TBC1D14: variants seen among roughly 807,000 people sequenced by gnomAD.
TBC1D14 encodes the protein TBC1 domain family member 14, also known as TBC1 domain family, member 14.
TBC1D14 carries 26 observed loss-of-function variants against 79.0 expected under a neutral mutation model. That is an observed-to-expected ratio of 0.33 (90% confidence interval 0.24 to 0.46). TBC1D14 has a LOEUF of 0.46. TBC1D14 is among the 20% of genes least tolerant of loss of function. The pLI is 1.00. For missense variants in TBC1D14, 769 were observed against 887.6 expected, an observed-to-expected ratio of 0.87 and a Z score of 1.70; for synonymous variants, 394 against 349.9, an observed-to-expected ratio of 1.13 and a Z score of -1.40.
intron 3 of TBC1D14, among the ~76,000 whole-genome samples, chr4:6,969,094 C>T (rs1715986001): frequency 6.6e-6 from 1 of 152,204 alleles, no homozygotes; most frequent in Admixed American, 6.5e-5. Context: ...CCATTCTCTG[C>T]TGTAATCATC....
intron 2 of TBC1D14, among the ~76,000 whole-genome samples, chr4:6,963,764 T>G (rs12512922): frequency 1.3e-5 from 2 of 152,032 alleles, no homozygotes; most frequent in Admixed American, 6.5e-5. Flanking sequence ...GCCTATCATA[T>G]GAGCCTAAGC....
intron 9 of TBC1D14, among the ~76,000 whole-genome samples, chr4:7,009,086 G>C (rs1720498474): frequency 6.6e-6 from 1 of 152,198 alleles, no homozygotes; most frequent in Non-Finnish European, 1.5e-5. Flanking sequence ...TCTTTTGTAA[G>C]CCACCTGTGG....
chr4:6,956,225 C>T (rs540069739), intron 2 of TBC1D14, among the ~76,000 whole-genome samples: 34 of 152,280 alleles, frequency 2.2e-4, no homozygotes, highest in Admixed American at 7.2e-4. Flanking sequence ...CCTAGATCTG[C>T]GCCTGCGAAC....
In TBC1D14 at chr4:6,981,208, A is replaced by G. The variant is rs372218688; in HGVS notation, c.844-12976A>G. ...CCCAGCTAATTTTTGTATTTTTAGT[A>G]GAGACAGGGTTTTGCCATGTTGGCC... On this transcript the variant is annotated intron_variant, in intron 3 of 13. Transcript: ENST00000409757. 2.0e-5 allele frequency among the ~76,000 whole-genome samples: 3 copies of G among 152,020 alleles called. No individual in the cohort carries two copies. The East Asian group carries it at 5.8e-4, about 29-fold the overall frequency.
At chr4:6,916,998 A>G (rs145132576) in intron 1 of TBC1D14, among the ~76,000 whole-genome samples, 1 of 152,220 alleles carries the variant, frequency 6.6e-6, no homozygotes, top group East Asian at 1.9e-4. Context: ...TTTCCTGACC[A>G]TCATGTGTTG....
intron 9 of TBC1D14, among the ~76,000 whole-genome samples, chr4:7,009,287 C>T (rs143974716): frequency 3.3e-5 from 5 of 152,288 alleles, no homozygotes; most frequent in Non-Finnish European, 7.3e-5. Context: ...GGAAATAATT[C>T]CAACAATTGA....
intron 11 of TBC1D14, among the ~76,000 whole-genome samples, chr4:7,013,171 C>A (rs866227347): frequency 6.6e-6 from 1 of 152,188 alleles, no homozygotes; most frequent in African/African-American, 2.4e-5. Flanking sequence ...CTGGCAGCCC[C>A]GTTGAACTTA....
intron 11 of TBC1D14, among the ~76,000 whole-genome samples, chr4:7,014,112 C>T (rs1178891954): frequency 6.6e-6 from 1 of 152,154 alleles, no homozygotes; most frequent in Non-Finnish European, 1.5e-5. Flanking sequence ...TGTACAGGCT[C>T]CACCTTTGCA....
chr4:7,024,736 G>A (rs934254296), intron 12 of TBC1D14, among the ~76,000 whole-genome samples: 2 of 152,200 alleles, frequency 1.3e-5, no homozygotes, highest in Non-Finnish European at 2.9e-5. Flanking sequence ...CACAGTAGGG[G>A]CTCAGCACAT....
chr4:6,920,882 A>G (rs535376241), intron 1 of TBC1D14, among the ~76,000 whole-genome samples: 30 of 152,180 alleles, frequency 2.0e-4, no homozygotes, highest in Non-Finnish European at 2.9e-4. Flanking sequence ...GAGTTCAAGC[A>G]ATTCTCCTTC....
At chr4:6,991,458 ACAG>A (rs1718479152) in intron 3 of TBC1D14, among the ~76,000 whole-genome samples, 2 of 152,232 alleles carry the variant, frequency 1.3e-5, no homozygotes, top group Admixed American at 1.3e-4. Flanking sequence ...TGCTGGAGAA[ACAG>A]CAGCCCTTGT....
intron 11 of TBC1D14, among the ~76,000 whole-genome samples, chr4:7,013,799 A>G (rs1437937779): frequency 6.6e-6 from 1 of 150,676 alleles, no homozygotes; most frequent in Non-Finnish European, 1.5e-5. Context: ...GCTGGAGTGC[A>G]GTGGCGCAAT....
At chr4:6,959,136 C>G (rs867983424) in intron 2 of TBC1D14, among the ~76,000 whole-genome samples, 3 of 151,576 alleles carry the variant, frequency 2.0e-5, no homozygotes, top group Admixed American at 2.0e-4. Context: ...CCGCCCGCCT[C>G]GGCCTCCCAA....
Position 6,996,306 on chromosome 4 carries a change from T to C in TBC1D14, c.963-19T>C. ...ATGCGGTATTTATAATGGTGAAAAC[T>C]CATTTCTTTCCTGTCAAGAAATCTC... On this transcript the variant is annotated intron_variant, in intron 4 of 13. Transcript: ENST00000409757. 6.2e-7 allele frequency: 1 copy of C among 1,604,732 alleles called. No individual in the cohort carries two copies. Among genetic ancestry groups the C allele is most frequent in the African/African-American group, 1.3e-5 (1 of 74,852 alleles).
chr4:6,938,824 C>T (rs150675985), intron 2 of TBC1D14, among the ~76,000 whole-genome samples: 1 of 152,204 alleles, frequency 6.6e-6, no homozygotes, highest in Non-Finnish European at 1.5e-5. Flanking sequence ...GGGGCTGTGG[C>T]TCGGGCTGGC....
intron 7 of TBC1D14, among the ~76,000 whole-genome samples, chr4:7,003,760 G>T (rs1462801240): frequency 1.3e-5 from 2 of 152,098 alleles, no homozygotes; most frequent in African/African-American, 4.8e-5. Flanking sequence ...AGCACTTTGG[G>T]AGGTTGTGGC....
At chr4:7,010,015 CGTGTTAGCTGCAAAT>C (rs1720593219) in intron 10 of TBC1D14, 67 bp downstream of exon 10, 7 of 1,560,910 alleles carry the variant, frequency 4.5e-6, no homozygotes, top group Non-Finnish European at 6.2e-6. Context: ...TTGTCCAGCA[CGTGTTAGCTGCAAAT>C]GTCATGCCAG....
intron 5 of TBC1D14, 53 bp from the exon 6 acceptor site, chr4:6,999,032 A>G (rs2109187384): frequency 6.4e-7 from 1 of 1,571,766 alleles, no homozygotes; most frequent in East Asian, 2.2e-5. Flanking sequence ...CCTTGCCTGG[A>G]AATGGTCCAT....
intron 2 of TBC1D14, among the ~76,000 whole-genome samples, chr4:6,938,828 G>A (rs139497691): frequency 0.013 from 1,937 of 152,322 alleles, 11 homozygotes; most frequent in Middle Eastern, 0.017. Flanking sequence ...CTGTGGCTCG[G>A]GCTGGCCTCC....
Sources: allele counts gnomAD v4.1 joint callset (sites outside exome capture counted in the v4.1 genomes callset), GRCh38; gene constraint gnomAD v4.1.1; transcripts MANE v1.5; gene names NCBI Gene and HGNC (gene_info 2026-07-23, HGNC 2026-07-21).